The following CAST variants were observed in gnomAD, a reference collection of about 807,000 sequenced individuals.
The protein encoded by CAST is calpastatin, also known as MIR583 host.
CAST carries 76 observed loss-of-function variants against 119.6 expected under a neutral mutation model. The ratio of observed to expected loss-of-function variants is 0.64; its 90% CI spans 0.53 to 0.77. The LOEUF (loss-of-function observed/expected upper bound fraction) is 0.77. Among genes scored for constraint, CAST ranks in the 30% least tolerant of loss-of-function variants. The pLI, the probability that CAST is intolerant of heterozygous loss-of-function variation, is 0.00. For missense variants in CAST, 953 were observed against 946.5 expected (o/e 1.01, Z -0.09); for synonymous variants, 319 against 331.6 (o/e 0.96, Z 0.41).
chr5:96,412,464 T>C, the CAST span: 1 of 1,614,074 alleles, frequency 6.2e-7, no homozygotes, highest in Non-Finnish European at 8.5e-7. Flanking sequence ...ATAGCATCCG[T>C]CACAATGCCA....
chr5:96,542,290 G>A (rs1745927925), intron 1 of CAST, among the ~76,000 whole-genome samples: 2 of 135,838 alleles, frequency 1.5e-5, no homozygotes, highest in African/African-American at 5.6e-5. Context: ...CAGCCTGGGC[G>A]ACAGCAAGAC....
intron 28 of CAST, among the ~76,000 whole-genome samples, 199 bp from the exon 29 acceptor site, chr5:96,767,708 T>TA (rs1491260325): frequency 6.6e-6 from 1 of 152,232 alleles, no homozygotes; most frequent in Admixed American, 6.5e-5. Context: ...CAACGTGTAT[T>TA]AAAGAGTAGA....
At chr5:96,036,310 C>T in the CAST span, among the ~76,000 whole-genome samples, 1,586 of 152,032 alleles carry the variant, frequency 0.01, 30 homozygotes, top group African/African-American at 0.036. Context: ...AATTTATTCC[C>T]TTTTTAAGAA....
At chr5:96,586,906 C>A (rs1303384135) in intron 1 of CAST, among the ~76,000 whole-genome samples, 1 of 152,122 alleles carries the variant, frequency 6.6e-6, no homozygotes, top group African/African-American at 2.4e-5. Context: ...CTCAGATAAA[C>A]CCCATGGAGC....
chr5:95,963,796 G>T, the CAST span, among the ~76,000 whole-genome samples: 1 of 149,374 alleles, frequency 6.7e-6, no homozygotes, highest in Non-Finnish European at 1.5e-5. Context: ...TGGGAGGTGA[G>T]GGGGAAGGGA....
the CAST span, among the ~76,000 whole-genome samples, chr5:95,994,254 C>T: frequency 3.9e-5 from 6 of 152,044 alleles, no homozygotes; most frequent in Non-Finnish European, 7.4e-5. Flanking sequence ...TGGTGTCTAA[C>T]GAAACAATCC....
the CAST span, among the ~76,000 whole-genome samples, chr5:96,254,253 G>A: frequency 2.0e-5 from 3 of 152,032 alleles, no homozygotes; most frequent in African/African-American, 7.2e-5. Flanking sequence ...TTTCTCCAGG[G>A]CACAAAACTA....
the CAST span, among the ~76,000 whole-genome samples, chr5:96,268,261 G>A: frequency 6.6e-6 from 1 of 152,098 alleles, no homozygotes; most frequent in African/African-American, 2.4e-5. Context: ...ATGTAAAAGG[G>A]TTTAATTCTC....
At chr5:96,534,325 C>T (rs972650293) in intron 1 of CAST, among the ~76,000 whole-genome samples, 2 of 152,018 alleles carry the variant, frequency 1.3e-5, no homozygotes, top group African/African-American at 2.4e-5. Flanking sequence ...AAAACTGCAA[C>T]TATATGATGT....
chr5:96,154,926 T>C, the CAST span, among the ~76,000 whole-genome samples: 1 of 152,298 alleles, frequency 6.6e-6, no homozygotes, highest in Non-Finnish European at 1.5e-5. Flanking sequence ...TCTTCAGTTT[T>C]TATACTGTAC....
At chr5:96,332,813 T>G in the CAST span, among the ~76,000 whole-genome samples, 3 of 152,170 alleles carry the variant, frequency 2.0e-5, no homozygotes, top group Non-Finnish European at 2.9e-5. Context: ...CATTGAGGCT[T>G]GAGTTTGCTG....
At chr5:96,400,304 T>G in the CAST span, 4 of 744,684 alleles carry the variant, frequency 5.4e-6, no homozygotes, top group Non-Finnish European at 7.3e-6. Flanking sequence ...GCTATTGTAG[T>G]TATGTTATTC....
the CAST span, among the ~76,000 whole-genome samples, chr5:96,107,011 T>C: frequency 3.5e-5 from 5 of 144,608 alleles, no homozygotes; most frequent in East Asian, 6.0e-4. Context: ...CTTTGTTGGT[T>C]TAAAGTCTGT....
At chr5:96,269,949 A>G in the CAST span, among the ~76,000 whole-genome samples, 1 of 152,186 alleles carries the variant, frequency 6.6e-6, no homozygotes, top group Non-Finnish European at 1.5e-5. Flanking sequence ...AAAGAAAACT[A>G]CAGGCCAATA....
the CAST span, among the ~76,000 whole-genome samples, chr5:96,397,907 AATT>A: frequency 3.9e-4 from 59 of 151,992 alleles, no homozygotes; most frequent in East Asian, 1.4e-3. Context: ...TAAACATAAA[AATT>A]ATTATTTAAT....
At chr5:96,155,802 A>T in the CAST span, among the ~76,000 whole-genome samples, 1 of 152,010 alleles carries the variant, frequency 6.6e-6, no homozygotes, top group African/African-American at 2.4e-5. Context: ...CCTTGCTCCT[A>T]TGTGGTCTCT....
chr5:96,668,288 G>A (rs1749602206), intron 1 of CAST, among the ~76,000 whole-genome samples: 1 of 152,198 alleles, frequency 6.6e-6, no homozygotes, highest in Admixed American at 6.5e-5. Flanking sequence ...TTATCTCCTT[G>A]AGTGTTATAC....
the CAST span, among the ~76,000 whole-genome samples, chr5:96,107,552 C>T: frequency 6.6e-6 from 1 of 152,054 alleles, no homozygotes; most frequent in Non-Finnish European, 1.5e-5. Flanking sequence ...AATACTGGCC[C>T]CCACTCTCTT....
intron 30 of CAST, among the ~76,000 whole-genome samples, chr5:96,771,088 T>G (rs1772130496): frequency 6.6e-6 from 1 of 152,186 alleles, no homozygotes; most frequent in Non-Finnish European, 1.5e-5. Context: ...ATAGTCCAGT[T>G]ACACCAAAGC....
Sources: allele counts gnomAD v4.1 joint callset (sites outside exome capture counted in the v4.1 genomes callset), GRCh38; gene constraint gnomAD v4.1.1; transcripts MANE v1.5; gene names NCBI Gene and HGNC (gene_info 2026-07-23, HGNC 2026-07-21).